The following EPB41 variants were observed in gnomAD, a reference collection of about 807,000 sequenced individuals.
EPB41 encodes the protein protein 4.1.
In EPB41, 65 loss-of-function variants were observed where a neutral mutation model predicts 108.0. The ratio of observed to expected loss-of-function variants is 0.60; its 90% CI spans 0.49 to 0.74. EPB41 has a LOEUF of 0.74. Among genes scored for constraint, EPB41 ranks in the 30% least tolerant of loss-of-function variants. EPB41 has a pLI of 0.00. For missense variants in EPB41, 875 were observed against 1,037.0 expected, an observed-to-expected ratio of 0.84 and a Z score of 2.15; for synonymous variants, 336 against 358.9, an observed-to-expected ratio of 0.94 and a Z score of 0.72.
At chr1:29,103,231 A>T (rs1666063046) in intron 17 of EPB41, among the ~76,000 whole-genome samples, 1 of 152,206 alleles carries the variant, frequency 6.6e-6, no homozygotes. Context: ...AAATGGTTCA[A>T]AATAAATTGT....
intron 7 of EPB41, among the ~76,000 whole-genome samples, chr1:29,021,925 A>C (rs2096651428): frequency 6.6e-6 from 1 of 152,174 alleles, no homozygotes; most frequent in South Asian, 2.1e-4. Flanking sequence ...AAAAAATGAC[A>C]AACTATGATT....
intron 1 of EPB41, among the ~76,000 whole-genome samples, chr1:28,924,270 T>C (rs902902311): frequency 1.3e-5 from 2 of 152,250 alleles, no homozygotes; most frequent in Admixed American, 6.5e-5. Context: ...GGCTCATGCC[T>C]GTAATCCCAA....
At chr1:28,953,206 T>C (rs2094810021) in intron 1 of EPB41, among the ~76,000 whole-genome samples, 1 of 152,176 alleles carries the variant, frequency 6.6e-6, no homozygotes, top group Admixed American at 6.5e-5. Context: ...TTTCTTATAA[T>C]GTGTTTGTTG....
intron 1 of EPB41, among the ~76,000 whole-genome samples, chr1:28,889,513 G>T (rs1051791182): frequency 3.3e-5 from 5 of 152,278 alleles, no homozygotes; most frequent in African/African-American, 1.2e-4. Flanking sequence ...TGCGGGTAGA[G>T]CCCTGTCAGG....
At chr1:28,984,660 G>GTT (rs57968199) in intron 1 of EPB41, among the ~76,000 whole-genome samples, 196 of 141,698 alleles carry the variant, frequency 1.4e-3, no homozygotes, top group East Asian at 0.012. Flanking sequence ...AAAAACTTAG[G>GTT]TTTTTTTTTT....
At chr1:28,905,974 T>C (rs203294) in intron 1 of EPB41, among the ~76,000 whole-genome samples, 18,563 of 151,928 alleles carry the variant, frequency 0.12, 1,549 homozygotes, top group African/African-American at 0.25. Context: ...CCCACCACCA[T>C]GCCTGGCTAA....
At chr1:28,940,986 C>T (rs2094259704) in intron 1 of EPB41, among the ~76,000 whole-genome samples, 1 of 151,972 alleles carries the variant, frequency 6.6e-6, no homozygotes, top group East Asian at 1.9e-4. Context: ...ATGGAAAGCA[C>T]ATTAAAAAAA....
intron 1 of EPB41, among the ~76,000 whole-genome samples, chr1:28,938,735 G>A (rs1271582085): frequency 6.6e-6 from 1 of 151,994 alleles, no homozygotes; most frequent in Non-Finnish European, 1.5e-5. Flanking sequence ...GTTTCGCCAT[G>A]TTGCCCAGGC....
intron 1 of EPB41, among the ~76,000 whole-genome samples, chr1:28,904,623 C>T (rs990324300): frequency 2.4e-4 from 36 of 152,070 alleles, no homozygotes; most frequent in African/African-American, 7.7e-4. Flanking sequence ...CAAGGCCAGG[C>T]GCGGTGGCTC....
chr1:29,107,671 T>A (rs966734631), intron 17 of EPB41, among the ~76,000 whole-genome samples: 1 of 151,268 alleles, frequency 6.6e-6, no homozygotes, highest in African/African-American at 2.4e-5. Flanking sequence ...GCCAATATGG[T>A]GAAACTCCAT....
intron 2 of EPB41, among the ~76,000 whole-genome samples, chr1:28,991,459 T>C (rs886874297): frequency 6.6e-6 from 1 of 151,708 alleles, no homozygotes; most frequent in African/African-American, 2.4e-5. Flanking sequence ...AATCCAGCAC[T>C]CTGGGAGACT....
intron 12 of EPB41, among the ~76,000 whole-genome samples, chr1:29,056,038 C>T (rs972537488): frequency 2.0e-5 from 3 of 151,094 alleles, no homozygotes; most frequent in Non-Finnish European, 4.4e-5. Flanking sequence ...AGATTGAGAC[C>T]ATCCTGGCCA....
intron 13 of EPB41, 81 bp from the exon 14 acceptor site, chr1:29,058,730 A>T: frequency 6.5e-7 from 1 of 1,539,534 alleles, no homozygotes; most frequent in Non-Finnish European, 8.8e-7. Flanking sequence ...CCTTAAAAAA[A>T]TTATAAAATG....
chr1:28,974,254 A>G (rs1411500837), intron 1 of EPB41, among the ~76,000 whole-genome samples: 3 of 152,198 alleles, frequency 2.0e-5, no homozygotes, highest in Non-Finnish European at 4.4e-5. Flanking sequence ...TCAGAGACTA[A>G]GTTTGTCTTT....
intron 1 of EPB41, among the ~76,000 whole-genome samples, chr1:28,986,644 C>T (rs910650853): frequency 6.6e-6 from 1 of 152,002 alleles, no homozygotes; most frequent in Non-Finnish European, 1.5e-5. Flanking sequence ...AATGGGATAC[C>T]TCTGGCCGGG....
At chr1:29,022,045 G>T (rs2096652854) in intron 7 of EPB41, among the ~76,000 whole-genome samples, 1 of 152,146 alleles carries the variant, frequency 6.6e-6, no homozygotes, top group South Asian at 2.1e-4. Flanking sequence ...AAGCTTTCTG[G>T]TAAAAATTGG....
chr1:28,922,893 C>G (rs906895560), intron 1 of EPB41, among the ~76,000 whole-genome samples: 4 of 151,722 alleles, frequency 2.6e-5, no homozygotes, highest in African/African-American at 9.7e-5. Flanking sequence ...TCCCAAAGTG[C>G]TGGAATTACA....
At chr1:28,972,681 C>T (rs921278629) in intron 1 of EPB41, among the ~76,000 whole-genome samples, 1 of 151,928 alleles carries the variant, frequency 6.6e-6, no homozygotes, top group African/African-American at 2.4e-5. Context: ...TTCACCGCAG[C>T]CTCCAACTCC....
At position 28,902,177 on chromosome 1, in the gene EPB41, T is replaced by C. The variant is rs577293805; in HGVS notation, c.-8+14967T>C. On this transcript the variant is annotated intron_variant, in intron 1 of 16. Transcript: ENST00000347529. ...ATAAATGTGTGAATGAGAGAAAAAG[T>C]GAGCGGTCATCATCCTTTCCATTTG... 5 of 985,300 alleles carry C rather than the reference T, an allele frequency of 5.1e-6. No homozygotes were observed. In the Admixed American group the frequency reaches 2.5e-4, roughly 48 times the overall value. The allele number at this position is 985,300 out of a possible 1,614,324, so 61.0% of individuals were successfully genotyped here. A position where few individuals can be genotyped will look rare whatever the true frequency, so the allele number is the denominator to read the frequency against.
Sources: allele counts gnomAD v4.1 joint callset (sites outside exome capture counted in the v4.1 genomes callset), GRCh38; gene constraint gnomAD v4.1.1; transcripts MANE v1.5; gene names NCBI Gene and HGNC (gene_info 2026-07-23, HGNC 2026-07-21).